The following ATP8A2 variants were observed in gnomAD, a reference collection of about 807,000 sequenced individuals.
ATP8A2 encodes the protein ATPase phospholipid transporting 8A2, also known as phospholipid-transporting ATPase IB.
ATP8A2 carries 100 observed loss-of-function variants against 165.6 expected under a neutral mutation model. That is an observed-to-expected ratio of 0.60 (90% CI 0.51 to 0.71). The LOEUF is 0.71. Ranked by LOEUF, ATP8A2 falls within the 30% of genes least tolerant of loss-of-function variation. ATP8A2 has a pLI of 0.00. For synonymous variants in ATP8A2, 543 were observed against 548.8 expected (o/e 0.99, Z 0.15); for missense variants, 1,227 against 1,479.5 (o/e 0.83, Z 2.80).
intron 33 of ATP8A2, among the ~76,000 whole-genome samples, chr13:25,889,346 G>A (rs1308804358): frequency 2.0e-5 from 3 of 149,592 alleles, no homozygotes; most frequent in Non-Finnish European, 4.4e-5. Flanking sequence ...AATCCCCTAG[G>A]TGAAGGTTTG....
At chr13:25,879,238 G>A (rs1952904367) in intron 33 of ATP8A2, among the ~76,000 whole-genome samples, 1 of 152,160 alleles carries the variant, frequency 6.6e-6, no homozygotes, top group Non-Finnish European at 1.5e-5. Flanking sequence ...GAGCACCTGG[G>A]ACAATATCTC....
intron 24 of ATP8A2, among the ~76,000 whole-genome samples, chr13:25,697,496 G>A (rs1482913379): frequency 1.3e-5 from 2 of 152,174 alleles, no homozygotes; most frequent in African/African-American, 4.8e-5. Flanking sequence ...GGCCAGGCTA[G>A]TCTTGAATTC....
At chr13:25,671,585 G>A (rs918683672) in intron 24 of ATP8A2, among the ~76,000 whole-genome samples, 3 of 152,148 alleles carry the variant, frequency 2.0e-5, no homozygotes, top group African/African-American at 4.8e-5. Flanking sequence ...TCTTATGGTC[G>A]AGACTGCAGA....
chr13:25,965,140 A>G (rs1218437982), intron 34 of ATP8A2, among the ~76,000 whole-genome samples: 1 of 152,218 alleles, frequency 6.6e-6, no homozygotes, highest in Non-Finnish European at 1.5e-5. Flanking sequence ...AGCCTGGGCG[A>G]CAGAGTGAGA....
chr13:25,610,478 C>G (rs1044892528), intron 24 of ATP8A2, among the ~76,000 whole-genome samples: 8 of 152,078 alleles, frequency 5.3e-5, no homozygotes, highest in Non-Finnish European at 1.2e-4. Flanking sequence ...GTCTATGTGC[C>G]TATTTTTATA....
intron 2 of ATP8A2, among the ~76,000 whole-genome samples, chr13:25,488,676 G>A (rs2036425908): frequency 6.6e-6 from 1 of 152,116 alleles, no homozygotes; most frequent in African/African-American, 2.4e-5. Context: ...CTGCACTCCA[G>A]CCTGGGCATC....
At chr13:25,497,807 A>G (rs2137677771) in intron 2 of ATP8A2, among the ~76,000 whole-genome samples, 1 of 152,066 alleles carries the variant, frequency 6.6e-6, no homozygotes, top group Non-Finnish European at 1.5e-5. Flanking sequence ...TAAAAAATAA[A>G]AAAAATTAGC....
chr13:25,983,214 A>G (rs1196769915), intron 35 of ATP8A2, among the ~76,000 whole-genome samples: 1 of 152,208 alleles, frequency 6.6e-6, no homozygotes, highest in Non-Finnish European at 1.5e-5. Flanking sequence ...AAATAATTTT[A>G]CATTCCTAAA....
Position 25,769,306 on chromosome 13 carries a change from T to G in ATP8A2, c.2568+77T>G, listed in dbSNP as rs1593317584. The G allele has an allele frequency of 1.3e-5, 19 of 1,412,722 alleles. No individual in the cohort carries two copies. In the East Asian group the frequency reaches 4.4e-4, roughly 33 times the overall value. The allele number at this position is 1,412,722 out of a possible 1,614,324, so 87.5% of individuals were successfully genotyped here. On this transcript the variant is annotated intron_variant, in intron 26 of 36. Coordinates refer to ENST00000381655, the MANE Select transcript of ATP8A2 (RefSeq NM_016529.6). Reference sequence around the variant, plus strand: ...GGCATGAGGACCTGGCGTTTAACCTTCAGTGCATCTCCAAACCTCTGCCAC... The same window carrying G: ...GGCATGAGGACCTGGCGTTTAACCTGCAGTGCATCTCCAAACCTCTGCCAC...
chr13:25,992,883 C>T (rs1956424243), intron 35 of ATP8A2, among the ~76,000 whole-genome samples: 1 of 149,796 alleles, frequency 6.7e-6, no homozygotes, highest in South Asian at 2.2e-4. Flanking sequence ...ATTCCCCTTC[C>T]TGTGTCCATG....
chr13:25,464,915 C>T lies in ATP8A2; in HGVS notation c.77-4062C>T, dbSNP rs191939521. 5.3e-4 allele frequency among the ~76,000 whole-genome samples: 81 copies of T among 152,348 alleles called. 1 individual carries two copies. The highest frequency in any genetic ancestry group is 3.4e-3 in the Middle Eastern group (1 of 294). ...GAATGAGACAAAGTCTCTGCCCTCACGGCCTTGACCTTCCACTCTCTTGTC... is the reference window on the plus strand; with the variant it reads ...GAATGAGACAAAGTCTCTGCCCTCATGGCCTTGACCTTCCACTCTCTTGTC... On this transcript the variant is annotated intron_variant, in intron 1 of 36. Transcript: ENST00000381655.
At chr13:25,534,434 C>T (rs1241042730) in intron 6 of ATP8A2, among the ~76,000 whole-genome samples, 1 of 152,188 alleles carries the variant, frequency 6.6e-6, no homozygotes, top group Non-Finnish European at 1.5e-5. Context: ...CTTCTTGTTA[C>T]TCCCTCCCCA....
rs546036999 is a variant in ATP8A2, at chr13:25,740,940, G to A, written c.2385-28106G>A. ...CAGACAACTTGGTGAGCCAATGGAA[G>A]CCAATCATTTAAACAGGCGTCTTTA... is the stretch of plus-strand genomic sequence containing the variant. On this transcript the variant is annotated intron_variant, in intron 25 of 36. Coordinates refer to ENST00000381655, the MANE Select transcript of ATP8A2 (RefSeq NM_016529.6). 7.9e-5 allele frequency among the ~76,000 whole-genome samples: 12 copies of A among 152,270 alleles called. No individual in the cohort carries two copies. The South Asian group carries it at 1.9e-3, about 24-fold the overall frequency.
At chr13:25,491,593 A>T (rs1369234792) in intron 2 of ATP8A2, among the ~76,000 whole-genome samples, 1 of 152,184 alleles carries the variant, frequency 6.6e-6, no homozygotes, top group East Asian at 1.9e-4. Flanking sequence ...AGAAAGTAGA[A>T]CTTGAGTTAC....
intron 1 of ATP8A2, among the ~76,000 whole-genome samples, chr13:25,426,128 T>G (rs1011588930): frequency 6.6e-6 from 1 of 152,120 alleles, no homozygotes; most frequent in African/African-American, 2.4e-5. Flanking sequence ...CATTCTGGTG[T>G]TGCTATAAAG....
intron 24 of ATP8A2, among the ~76,000 whole-genome samples, chr13:25,633,615 G>A (rs1387052134): frequency 1.3e-5 from 2 of 152,056 alleles, no homozygotes; most frequent in Non-Finnish European, 2.9e-5. Context: ...TTTGTCTTTG[G>A]CTAAGTCTTG....
chr13:25,871,109 GGT>G (rs145017510), intron 33 of ATP8A2: 36,942 of 288,752 alleles, frequency 0.13, 2,773 homozygotes, highest in Non-Finnish European at 0.17. Flanking sequence ...TTGATTGAGT[GGT>G]TTTTTTTTTT....
At chr13:25,863,167 C>G (rs1051774773) in intron 33 of ATP8A2, 1 of 152,330 alleles carries the variant, frequency 6.6e-6, no homozygotes, top group East Asian at 1.9e-4. Context: ...CAGCACTGCC[C>G]TTAAACCCCA....
rs1593624931 is a variant in ATP8A2 at position 25,602,179 on chromosome 13, C to T, written c.2211+12480C>T. ...TTTTCTAATTTGTTTTTAGGCATGTCCAATTAATAATTCTTTTAATCCTTT... is the reference window on the plus strand; with the variant it reads ...TTTTCTAATTTGTTTTTAGGCATGTTCAATTAATAATTCTTTTAATCCTTT... On this transcript the variant is annotated intron_variant, in intron 24 of 36. Transcript: ENST00000381655. Among the ~76,000 whole-genome samples, 3 of 152,172 alleles carry T rather than the reference C, an allele frequency of 2.0e-5. No individual in the cohort carries two copies. In the South Asian group the frequency reaches 6.2e-4, roughly 32 times the overall value.
Sources: allele counts gnomAD v4.1 joint callset (sites outside exome capture counted in the v4.1 genomes callset), GRCh38; gene constraint gnomAD v4.1.1; transcripts MANE v1.5; gene names NCBI Gene and HGNC (gene_info 2026-07-23, HGNC 2026-07-21).